UPRT: variants seen among roughly 807,000 people sequenced by gnomAD.
UPRT encodes RP11-311P8.3.
In UPRT, 5 loss-of-function variants were observed where a neutral mutation model predicts 22.6. The ratio of observed to expected loss-of-function variants is 0.22; its 90% CI spans 0.12 to 0.47. The LOEUF is 0.47. Among genes scored for constraint, UPRT ranks in the 20% least tolerant of loss-of-function variants. The probability of loss-of-function intolerance (pLI) is 0.99; values close to 1 mark genes in which losing one functional copy is unlikely to be tolerated. For missense variants in UPRT, 181 were observed against 239.9 expected (o/e 0.75, Z 1.62); for synonymous variants, 77 against 87.7 (o/e 0.88, Z 0.68).
At chrX:75,204,912 T>C (rs1484705722) in intron 4 of UPRT, among the ~76,000 whole-genome samples, 2 of 110,338 alleles carry the variant, frequency 1.8e-5, no homozygotes, top group East Asian at 5.8e-4. Flanking sequence ...GGACTTAGAG[T>C]ATCCCACGGA....
chrX:75,248,226 CGAG>C (rs767802827), intron 4 of UPRT, among the ~76,000 whole-genome samples: 2 of 111,192 alleles, frequency 1.8e-5, no homozygotes, highest in South Asian at 7.4e-4. Context: ...ATGACTTTGA[CGAG>C]AGAAGAAGGC....
intron 4 of UPRT, among the ~76,000 whole-genome samples, chrX:75,175,853 T>C (rs1243667230): frequency 1.8e-5 from 2 of 111,736 alleles, no homozygotes; most frequent in African/African-American, 6.5e-5. Flanking sequence ...GGCCTTTCTC[T>C]GATCTCGCTT....
At chrX:75,185,576 G>A (rs770512497) in intron 4 of UPRT, among the ~76,000 whole-genome samples, 1 of 111,934 alleles carries the variant, frequency 8.9e-6, no homozygotes, top group African/African-American at 3.3e-5. Flanking sequence ...CTATTGATTG[G>A]AATAGTTTCA....
chrX:75,291,285 A>C (rs2082706275), intron 1 of UPRT: 1 of 221,400 alleles, frequency 4.5e-6, no homozygotes, highest in Non-Finnish European at 8.2e-6. Flanking sequence ...TGTATTTAAA[A>C]ATATTCCAGG....
intron 4 of UPRT, among the ~76,000 whole-genome samples, chrX:75,299,460 C>G (rs1353962257): frequency 9.0e-6 from 1 of 111,652 alleles, no homozygotes; most frequent in African/African-American, 3.3e-5. Flanking sequence ...GCTTTATTTC[C>G]TATAATCACG....
chrX:75,256,906 C>T (rs754855723), intron 4 of UPRT, among the ~76,000 whole-genome samples: 3 of 111,390 alleles, frequency 2.7e-5, no homozygotes, highest in African/African-American at 3.3e-5. Context: ...AAGTCCAGGA[C>T]AAGAAGGATT....
chrX:75,203,634 A>G, intron 4 of UPRT, among the ~76,000 whole-genome samples: 1 of 111,196 alleles, frequency 9.0e-6, no homozygotes, highest in Middle Eastern at 4.6e-3. Context: ...CACTGTTTAC[A>G]GGCTTGGACA....
At position 75,220,173 on chromosome X, in the gene UPRT, C is replaced by A. The variant is rs1013744209; in HGVS notation, c.-447+52294C>A. On this transcript the variant is annotated intron_variant, in intron 4 of 13. Transcript: ENST00000652605. ...ATCATTATACAGTGACCTTCTTTGT[C>A]TCTTCTTATATCTTTTGTTTGAAAT... Among the ~76,000 whole-genome samples the A allele has an allele frequency of 6.3e-5, 7 of 111,234 alleles. No individual in the cohort carries two copies. The South Asian group carries it at 2.3e-3, about 36-fold the overall frequency.
At chrX:75,265,142 C>G (rs752457879) in intron 4 of UPRT, among the ~76,000 whole-genome samples, 4 of 111,316 alleles carry the variant, frequency 3.6e-5, no homozygotes, top group South Asian at 3.8e-4. Context: ...TTTGGTGAAT[C>G]TGACAATTAT....
intron 1 of UPRT, among the ~76,000 whole-genome samples, chrX:75,278,306 A>G (rs932566905): frequency 5.4e-5 from 6 of 112,055 alleles, no homozygotes; most frequent in African/African-American, 1.9e-4. Flanking sequence ...GTCTTTTTAG[A>G]TTTTGAAATG....
intron 4 of UPRT, among the ~76,000 whole-genome samples, chrX:75,178,395 C>T (rs372181799): frequency 1.8e-5 from 2 of 111,491 alleles, no homozygotes; most frequent in South Asian, 3.8e-4. Context: ...ATGGTCTCAC[C>T]GCTTGGCAAT....
chrX:75,256,449 A>T (rs2082549935), intron 4 of UPRT, among the ~76,000 whole-genome samples: 1 of 111,341 alleles, frequency 9.0e-6, no homozygotes, highest in African/African-American at 3.3e-5. Context: ...ATCACACCTC[A>T]AGGAACTAGA....
At chrX:75,198,107 C>T (rs986461956) in intron 4 of UPRT, among the ~76,000 whole-genome samples, 2 of 112,676 alleles carry the variant, frequency 1.8e-5, no homozygotes, top group Non-Finnish European at 3.8e-5. Context: ...CAGGAGAATG[C>T]ATAAACTGCA....
chrX:75,185,055 A>G (rs1192501587), intron 4 of UPRT, among the ~76,000 whole-genome samples: 4 of 111,294 alleles, frequency 3.6e-5, no homozygotes, highest in South Asian at 3.8e-4. Flanking sequence ...TTCCAACACT[A>G]TATTGAATAG....
intron 4 of UPRT, among the ~76,000 whole-genome samples, chrX:75,168,685 A>G (rs1235725592): frequency 9.1e-6 from 1 of 110,390 alleles, no homozygotes; most frequent in Non-Finnish European, 1.9e-5. Flanking sequence ...ATGCGCCACC[A>G]TGCCTGGCCA....
chrX:75,269,180 T>C (rs1431179163), upstream of UPRT, among the ~76,000 whole-genome samples: 1 of 111,264 alleles, frequency 9.0e-6, no homozygotes, highest in Non-Finnish European at 1.9e-5. Context: ...ATAAAATACC[T>C]AGGAATAAAA....
chrX:75,183,903 T>A (rs1375122209), intron 4 of UPRT, among the ~76,000 whole-genome samples: 1 of 112,228 alleles, frequency 8.9e-6, no homozygotes, highest in Non-Finnish European at 1.9e-5. Flanking sequence ...GTTTGAGTTC[T>A]TTGTAGATTC....
intron 1 of UPRT, among the ~76,000 whole-genome samples, chrX:75,290,345 A>G (rs1255233596): frequency 1.8e-5 from 2 of 112,143 alleles, no homozygotes; most frequent in East Asian, 2.8e-4. Flanking sequence ...ATGCTTATAC[A>G]CTTTTGGTGA....
intron 4 of UPRT, among the ~76,000 whole-genome samples, chrX:75,242,858 C>T (rs2082492772): frequency 9.0e-6 from 1 of 111,508 alleles, no homozygotes; most frequent in African/African-American, 3.3e-5. Context: ...AATTACTCCA[C>T]AATGTCAAAT....
Sources: gnomAD v4.1 joint callset for allele counts (sites outside exome capture counted in the v4.1 genomes callset) on GRCh38, gnomAD v4.1.1 for gene constraint, MANE v1.5 for transcripts, NCBI Gene and HGNC (gene_info 2026-07-23, HGNC 2026-07-21) for gene names.